FAM163A: variants seen among roughly 807,000 people sequenced by gnomAD.
The protein encoded by FAM163A is protein FAM163A.
Under a neutral mutation model 12.0 loss-of-function variants are expected in FAM163A, and 7 were observed. That is an observed-to-expected ratio of 0.58 (90% CI 0.33 to 1.10). The LOEUF is 1.10. FAM163A is among the 50% of genes least tolerant of loss of function. FAM163A has a pLI of 0.03. For synonymous variants in FAM163A, 101 were observed against 91.0 expected (o/e 1.11, Z -0.62); for missense variants, 202 against 218.6 (o/e 0.92, Z 0.48).
chr1:179,750,633 C>G (rs1357857154), intron 1 of FAM163A, among the ~76,000 whole-genome samples: 1 of 152,210 alleles, frequency 6.6e-6, no homozygotes, highest in Non-Finnish European at 1.5e-5. Context: ...AAGGGTTAAA[C>G]ATACCTCATC....
intron 1 of FAM163A, among the ~76,000 whole-genome samples, chr1:179,747,694 ACAGGCGCAACTGCAT>A (rs1422291390): frequency 6.6e-6 from 1 of 152,210 alleles, no homozygotes; most frequent in African/African-American, 2.4e-5. Context: ...AAGCTGCAGC[ACAGGCGCAACTGCAT>A]CACATGGGTG....
chr1:179,759,355 A>C lies in FAM163A; in HGVS notation c.-136+15932A>C, dbSNP rs139832379. 5.0e-3 allele frequency among the ~76,000 whole-genome samples: 762 copies of C among 152,272 alleles called. 2 individuals carry two copies. The highest frequency in any genetic ancestry group is 0.024 in the Middle Eastern group (7 of 294). ...AACAAATGATCACAAAAATAAAAAT[A>C]CTGTTGAACAATATAAAGATGCTCT... On this transcript the variant is annotated intron_variant, in intron 1 of 4. Coordinates refer to ENST00000341785, the MANE Select transcript of FAM163A (RefSeq NM_173509.3).
At chr1:179,797,363 G>A (rs898114624) in intron 1 of FAM163A, among the ~76,000 whole-genome samples, 2 of 152,200 alleles carry the variant, frequency 1.3e-5, no homozygotes, top group Middle Eastern at 3.4e-3. Context: ...CAGGAGAATC[G>A]CTTGAACCTG....
intron 1 of FAM163A, among the ~76,000 whole-genome samples, chr1:179,747,943 G>C (rs1314219378): frequency 6.6e-6 from 1 of 151,664 alleles, no homozygotes; most frequent in Non-Finnish European, 1.5e-5. Flanking sequence ...CTAGGGAAAG[G>C]GGGAGGAGGG....
chr1:179,758,999 A>C (rs1686427018), intron 1 of FAM163A, among the ~76,000 whole-genome samples: 3 of 152,236 alleles, frequency 2.0e-5, no homozygotes, highest in Admixed American at 2.0e-4. Context: ...GCTGCATATT[A>C]AGCACTTACT....
Position 179,814,570 on chromosome 1 carries a change from T to G in FAM163A, c.*381T>G. ...GCAAAGGCTCAGGAGGCCTCCCGGG[T>G]CCTCGGGAGATGAAGCATCCGTGCC... On this transcript the variant is annotated 3_prime_UTR_variant, in exon 5 of 5. Transcript: ENST00000341785. 5.7e-6 allele frequency: 1 copy of G among 175,660 alleles called. No individual in the cohort carries two copies. The highest frequency in any genetic ancestry group is 1.2e-5 in the Non-Finnish European group (1 of 83,612). The allele number at this position is 175,660 out of a possible 1,614,324, so 10.9% of individuals were successfully genotyped here. A position where few individuals can be genotyped will look rare whatever the true frequency, so the allele number is the denominator to read the frequency against.
chr1:179,732,108 A>T, the FAM163A span, among the ~76,000 whole-genome samples: 1 of 152,240 alleles, frequency 6.6e-6, no homozygotes, highest in South Asian at 2.1e-4. Context: ...AACAGACCAA[A>T]GGCCAACAAA....
At chr1:179,807,747 C>G (rs1694157271) in intron 1 of FAM163A, 51 bp from the exon 2 acceptor site, 1 of 152,428 alleles carries the variant, frequency 6.6e-6, no homozygotes, top group Non-Finnish European at 1.5e-5. Flanking sequence ...CCTGTCTGTC[C>G]TCAGCCTCCC....
intron 1 of FAM163A, among the ~76,000 whole-genome samples, chr1:179,776,604 G>A (rs1314114012): frequency 2.0e-5 from 3 of 151,974 alleles, no homozygotes; most frequent in South Asian, 2.1e-4. Flanking sequence ...TGTGTGTATC[G>A]GCCCTGAGAA....
chr1:179,790,138 A>G (rs1195165661), intron 1 of FAM163A, among the ~76,000 whole-genome samples: 1 of 152,066 alleles, frequency 6.6e-6, no homozygotes, highest in Non-Finnish European at 1.5e-5. Context: ...GCAGTGTCAA[A>G]GATAATGCCA....
At chr1:179,805,217 G>C (rs73041606) in intron 1 of FAM163A, among the ~76,000 whole-genome samples, 4,391 of 152,220 alleles carry the variant, frequency 0.029, 221 homozygotes, top group African/African-American at 0.1. Context: ...AGTCCACTCA[G>C]ACATTAGAAT....
Position 179,814,246 on chromosome 1 carries a change from G to T in FAM163A, c.*57G>T. 1 of 1,531,360 alleles carries T rather than the reference G, an allele frequency of 6.5e-7. No homozygotes were observed. The highest frequency in any genetic ancestry group is 8.8e-7 in the Non-Finnish European group (1 of 1,139,816). 94.9% of individuals were successfully genotyped at this position (1,531,360 alleles called of 1,614,324 possible). ...CACTGCTGCCCTGGCGGGGGCCATG[G>T]GGGTGATGAATGACCCTCCAACAGC... On this transcript the variant is annotated 3_prime_UTR_variant, in exon 5 of 5. Transcript: ENST00000341785.
chr1:179,732,595 G>A, the FAM163A span, among the ~76,000 whole-genome samples: 2 of 152,200 alleles, frequency 1.3e-5, no homozygotes, highest in East Asian at 3.9e-4. Context: ...ATAAATGATT[G>A]TTTAGGCAGG....
intron 1 of FAM163A, among the ~76,000 whole-genome samples, chr1:179,753,988 G>A (rs866210218): frequency 2.0e-5 from 3 of 152,010 alleles, no homozygotes; most frequent in Non-Finnish European, 2.9e-5. Context: ...CTTCACTGTC[G>A]GTGGCTAGCA....
chr1:179,806,349 T>TGGAGAAAA (rs1306799350), intron 1 of FAM163A, among the ~76,000 whole-genome samples: 1 of 152,216 alleles, frequency 6.6e-6, no homozygotes, highest in Admixed American at 6.5e-5. Context: ...GAGAACATCT[T>TGGAGAAAA]GGAGAAAAGA....
chr1:179,784,225 A>C (rs902065284), intron 1 of FAM163A, among the ~76,000 whole-genome samples: 1 of 152,202 alleles, frequency 6.6e-6, no homozygotes, highest in Non-Finnish European at 1.5e-5. Context: ...CTTCACCAGG[A>C]ATAACCTGGC....
chr1:179,800,232 G>A (rs763605234), intron 1 of FAM163A, among the ~76,000 whole-genome samples: 3 of 152,178 alleles, frequency 2.0e-5, no homozygotes, highest in Non-Finnish European at 2.9e-5. Context: ...CAGGGGTTCC[G>A]ACACACCTGT....
intron 1 of FAM163A, among the ~76,000 whole-genome samples, chr1:179,780,954 G>A (rs1434293105): frequency 6.6e-6 from 1 of 152,176 alleles, no homozygotes; most frequent in Non-Finnish European, 1.5e-5. Context: ...AAGAACCAAG[G>A]AAACTGCAGT....
At chr1:179,787,672 A>G (rs3905111) in intron 1 of FAM163A, among the ~76,000 whole-genome samples, 86,405 of 152,060 alleles carry the variant, frequency 0.57, 25,928 homozygotes, top group African/African-American at 0.74. Flanking sequence ...TCTCCTGTCC[A>G]GGAGCAGGGG....
Sources: gnomAD v4.1 joint callset for allele counts (sites outside exome capture counted in the v4.1 genomes callset) on GRCh38, gnomAD v4.1.1 for gene constraint, MANE v1.5 for transcripts, NCBI Gene and HGNC (gene_info 2026-07-23, HGNC 2026-07-21) for gene names.